NEK6: variants seen among roughly 807,000 people sequenced by gnomAD.
NEK6 encodes the protein NIMA related kinase 6.
NEK6 carries 27 observed loss-of-function variants against 43.5 expected under a neutral mutation model. The observed-to-expected ratio is 0.62, with a 90% CI of 0.46 to 0.86. NEK6 has a LOEUF of 0.86. Ranked by LOEUF, NEK6 falls within the 40% of genes least tolerant of loss-of-function variation. NEK6 has a pLI of 0.00. For missense variants in NEK6, 318 were observed against 414.4 expected, an observed-to-expected ratio of 0.77 and a Z score of 2.02; for synonymous variants, 167 against 164.1, an observed-to-expected ratio of 1.02 and a Z score of -0.14.
In NEK6 at chr9:124,347,829, T is replaced by C. The variant is rs1308932942; in HGVS notation, c.831+7T>C. 2 of 1,593,204 alleles carry C rather than the reference T, an allele frequency of 1.3e-6. No homozygotes were observed. The highest frequency in any genetic ancestry group is 1.7e-5 in the Admixed American group (1 of 59,342). ...GGAGCACTACTCCGAGAAGGTGAGT[T>C]TGCAGGAGCCGGAGGCCTCGCCAGC... is the stretch of plus-strand genomic sequence containing the variant. On this transcript the variant is annotated splice_region_variant and intron_variant, in intron 9 of 9. Coordinates refer to ENST00000320246, the MANE Select transcript of NEK6 (RefSeq NM_014397.6).
At chr9:124,315,167 G>A (rs1833752138) in intron 4 of NEK6, among the ~76,000 whole-genome samples, 1 of 152,256 alleles carries the variant, frequency 6.6e-6, no homozygotes, top group Non-Finnish European at 1.5e-5. Flanking sequence ...TGACCTTCCA[G>A]GGTGATGCAG....
In NEK6 at chr9:124,275,239, G is replaced by A. The variant is rs115267322; in HGVS notation, c.-30+17154G>A. On this transcript the variant is annotated intron_variant, in intron 1 of 9. Transcript: ENST00000320246. This position sits in a 1 kb window ranked among gnomAD's most constrained non-coding sequence, Gnocchi z 4.4. Reference sequence around the variant, plus strand: ...TTAAAAACGTAATTTTAAACTTCTAGGGATGAGATGTAGGTGCCCACTTAT... The same window carrying A: ...TTAAAAACGTAATTTTAAACTTCTAAGGATGAGATGTAGGTGCCCACTTAT... 1.6e-3 allele frequency among the ~76,000 whole-genome samples: 248 copies of A among 152,324 alleles called. No homozygotes were observed. Among genetic ancestry groups the A allele is most frequent in the African/African-American group, 5.4e-3 (223 of 41,562 alleles).
intron 1 of NEK6, among the ~76,000 whole-genome samples, chr9:124,269,377 CT>C (rs931822333): frequency 9.9e-4 from 143 of 144,416 alleles, no homozygotes; most frequent in Admixed American, 1.5e-3. Context: ...GCTAACTGGA[CT>C]TTTTTTTTTT....
At chr9:124,277,285 A>G (rs1311967117) in intron 1 of NEK6, among the ~76,000 whole-genome samples, 1 of 152,192 alleles carries the variant, frequency 6.6e-6, no homozygotes, top group Non-Finnish European at 1.5e-5. Context: ...CCTCTACTAA[A>G]AATAACAAAA....
Position 124,326,202 on chromosome 9 carries a change from T to TCCCACCCCCCCCCCCC in NEK6, c.406-125_406-124insACCCCCCCCCCCCCCC. 8.1e-6 allele frequency: 1 copy of TCCCACCCCCCCCCCCC among 124,052 alleles called. No individual in the cohort carries two copies. 7.7% of individuals were successfully genotyped at this position (124,052 alleles called of 1,614,324 possible). On this transcript the variant is annotated intron_variant, in intron 5 of 9. Coordinates refer to ENST00000320246, the MANE Select transcript of NEK6 (RefSeq NM_014397.6). This position sits in a 1 kb window ranked among gnomAD's most constrained non-coding sequence, Gnocchi z 4.5. ...GCTTATTGTTTGCTCAGTGGCTCAA[T>TCCCACCCCCCCCCCCC]CCCCCCCCCCCGCCCCTGCCAGGCA...
intron 1 of NEK6, chr9:124,292,689 CT>C: frequency 1.6e-6 from 2 of 1,242,502 alleles, no homozygotes; most frequent in Non-Finnish European, 2.2e-6. Context: ...AGTGGTCCCC[CT>C]GGCATGAGTT....
Position 124,326,492 on chromosome 9 carries a change from C to A in NEK6, c.514+54C>A. The A allele has an allele frequency of 7.5e-7, 1 of 1,336,420 alleles. No homozygotes were observed. Among genetic ancestry groups the A allele is most frequent in the Non-Finnish European group, 1.1e-6 (1 of 940,036 alleles). 82.8% of individuals were successfully genotyped at this position (1,336,420 alleles called of 1,614,324 possible). A position where few individuals can be genotyped will look rare whatever the true frequency, so the allele number is the denominator to read the frequency against. On this transcript the variant is annotated intron_variant, in intron 6 of 9. Transcript: ENST00000320246. The surrounding 1 kb of genome is among the most constrained non-coding windows in gnomAD (Gnocchi z 4.5). ...GAGCCACCTGGAGCCCAGGAAGACACTTCCTCATGGCTCCTCCAGGGTCCT... is the reference window on the plus strand; with the variant it reads ...GAGCCACCTGGAGCCCAGGAAGACAATTCCTCATGGCTCCTCCAGGGTCCT...
chr9:124,340,373 G>A lies in NEK6; in HGVS notation c.717+708G>A, dbSNP rs982206337. ...TGGCCATGAAGCTCTTGCAGCCACC[G>A]GCAGGAGGGAGGCCTAAGTTCTCCG... On this transcript the variant is annotated intron_variant, in intron 8 of 9. Coordinates refer to ENST00000320246, the MANE Select transcript of NEK6 (RefSeq NM_014397.6). 2.6e-5 allele frequency among the ~76,000 whole-genome samples: 4 copies of A among 152,316 alleles called. 1 individual carries two copies. Among genetic ancestry groups the A allele is most frequent in the South Asian group, 4.1e-4 (2 of 4,832 alleles).
intron 1 of NEK6, among the ~76,000 whole-genome samples, chr9:124,268,106 T>C (rs145661997): frequency 2.6e-5 from 4 of 152,326 alleles, no homozygotes; most frequent in Non-Finnish European, 5.9e-5. Context: ...TCAGGACATA[T>C]GGTCACTGTG....
intron 1 of NEK6, among the ~76,000 whole-genome samples, chr9:124,264,180 T>G (rs977298031): frequency 2.6e-5 from 4 of 152,286 alleles, no homozygotes; most frequent in African/African-American, 7.2e-5. Flanking sequence ...AACTGGCTTG[T>G]TTTCCTGAGC....
chr9:124,322,452 C>G (rs1011820080), intron 5 of NEK6, among the ~76,000 whole-genome samples: 2 of 152,204 alleles, frequency 1.3e-5, no homozygotes, highest in Non-Finnish European at 2.9e-5. Flanking sequence ...CAGCCCAGTA[C>G]GCTCATGCGT....
At chr9:124,341,376 C>A (rs972677317) in intron 8 of NEK6, among the ~76,000 whole-genome samples, 2 of 116,154 alleles carry the variant, frequency 1.7e-5, no homozygotes, top group African/African-American at 6.1e-5. Context: ...TCAGCAGATG[C>A]GGGTGACAAG....
intron 1 of NEK6, among the ~76,000 whole-genome samples, chr9:124,276,497 A>G (rs187643012): frequency 5.3e-5 from 8 of 152,330 alleles, no homozygotes; most frequent in African/African-American, 1.9e-4. Flanking sequence ...TCATGAAGCA[A>G]TAATGAGCCC....
At chr9:124,284,773 G>T (rs971600894) in intron 1 of NEK6, among the ~76,000 whole-genome samples, 22 of 152,304 alleles carry the variant, frequency 1.4e-4, no homozygotes, top group Admixed American at 1.4e-3. Flanking sequence ...TGCATGTCTG[G>T]TGGGAGCTTC....
intron 1 of NEK6, 125 bp downstream of exon 1, chr9:124,258,210 G>T (rs1219469387): frequency 1.0e-6 from 1 of 976,778 alleles, no homozygotes; most frequent in South Asian, 4.6e-5. Context: ...GGCTCCGCGG[G>T]GGAGAGCGGG....
At chr9:124,304,801 G>T (rs370780541) in intron 2 of NEK6, among the ~76,000 whole-genome samples, 1 of 152,016 alleles carries the variant, frequency 6.6e-6, no homozygotes, top group African/African-American at 2.4e-5. Context: ...TGCTGAAACC[G>T]GCAGAACCAT....
Position 124,326,235 on chromosome 9 carries a change from C to A in NEK6, c.406-95C>A. The A allele has an allele frequency of 1.7e-5, 5 of 289,620 alleles. No homozygotes were observed. The highest frequency in any genetic ancestry group is 5.6e-5 in the East Asian group (1 of 17,968). The allele number at this position is 289,620 out of a possible 1,614,324, so 17.9% of individuals were successfully genotyped here. The stretch of plus-strand genomic sequence containing the variant: ...CCCCGCCCCTGCCAGGCACCAGTTA[C>A]CCACTGGGGAAAGGACAGAGGCAGT... On this transcript the variant is annotated intron_variant, in intron 5 of 9. Coordinates refer to ENST00000320246, the MANE Select transcript of NEK6 (RefSeq NM_014397.6). This position sits in a 1 kb window ranked among gnomAD's most constrained non-coding sequence, Gnocchi z 4.5.
At chr9:124,346,101 T>C (rs937680987) in intron 8 of NEK6, among the ~76,000 whole-genome samples, 1 of 151,974 alleles carries the variant, frequency 6.6e-6, no homozygotes, top group African/African-American at 2.4e-5. Context: ...AAGACAGAGG[T>C]GATGCTGTCC....
chr9:124,292,181 C>T (rs1832454469), intron 1 of NEK6: 2 of 1,261,300 alleles, frequency 1.6e-6, no homozygotes, highest in Middle Eastern at 3.2e-4. Flanking sequence ...CAGGGACCTC[C>T]AGGGCTGGAG....
Sources: allele counts gnomAD v4.1 joint callset (sites outside exome capture counted in the v4.1 genomes callset), GRCh38; gene constraint gnomAD v4.1.1; non-coding constraint Gnocchi (gnomAD v3.1); transcripts MANE v1.5; gene names NCBI Gene and HGNC (gene_info 2026-07-23, HGNC 2026-07-21).